The following NEK1 variants were observed in gnomAD, a reference collection of about 807,000 sequenced individuals.
NEK1 encodes serine/threonine-protein kinase Nek1.
A neutral mutation model predicts 182.1 loss-of-function variants in NEK1; 137 were observed. That is an observed-to-expected ratio of 0.75 (90% CI 0.65 to 0.87). NEK1 has a LOEUF of 0.87. NEK1 is among the 40% of genes least tolerant of loss of function. The pLI, the probability that NEK1 is intolerant of heterozygous loss-of-function variation, is 0.00. For missense variants in NEK1, 1,391 were observed against 1,494.4 expected, an observed-to-expected ratio of 0.93 and a Z score of 1.14; for synonymous variants, 513 against 492.2, an observed-to-expected ratio of 1.04 and a Z score of -0.56.
At chr4:169,461,639 T>C (rs1473839975) in intron 27 of NEK1, among the ~76,000 whole-genome samples, 1 of 152,170 alleles carries the variant, frequency 6.6e-6, no homozygotes, top group Non-Finnish European at 1.5e-5. Context: ...ATACAGAGCA[T>C]ATTCTTCCCA....
rs1737836410 is a variant in NEK1 at position 169,433,620 on chromosome 4, G to C, written c.2810C>G (p.Thr937Arg). The C allele has an allele frequency of 6.2e-7, 1 of 1,613,162 alleles. No individual in the cohort carries two copies. The highest frequency in any genetic ancestry group is 1.1e-5 in the South Asian group (1 of 91,054). The change falls in exon 29 of 36, where the codon ACA (threonine) becomes AGA (arginine). Residue 937 changes from threonine to arginine, a missense_variant. Thr to Arg is a moderately conservative substitution (Grantham distance 71). Around this residue, in one of 5 missense-constraint regions of NEK1, gnomAD observed 1,216 missense variants for 1,277.6 expected, o/e 0.95. Coordinates refer to ENST00000507142, the MANE Select transcript of NEK1 (RefSeq NM_001199397.3). ...GCATGGCAAGCTCTCATCTTTGTTTGTTCCACTTGGCTCTTGTAGAATTTC... is the reference window on the plus strand; with the variant it reads ...GCATGGCAAGCTCTCATCTTTGTTTCTTCCACTTGGCTCTTGTAGAATTTC... ...ETEILQEPSGTNKDESLPCTI... is the reference protein window; with the variant it reads ...ETEILQEPSGRNKDESLPCTI...
At chr4:169,422,546 A>G (rs1417586268) in intron 31 of NEK1, among the ~76,000 whole-genome samples, 1 of 152,220 alleles carries the variant, frequency 6.6e-6, no homozygotes, top group African/African-American at 2.4e-5. Context: ...AGTTTTAAAC[A>G]TGCTTATAAA....
chr4:169,512,742 A>G (rs1004512146), intron 19 of NEK1, among the ~76,000 whole-genome samples: 2 of 152,078 alleles, frequency 1.3e-5, no homozygotes, highest in African/African-American at 2.4e-5. Context: ...TTTCATATGA[A>G]AGCCCATGAT....
At chr4:169,426,091 T>G (rs1736337374) in intron 30 of NEK1, 55 bp downstream of exon 30, 2 of 1,297,352 alleles carry the variant, frequency 1.5e-6, no homozygotes, top group Non-Finnish European at 2.2e-6. Flanking sequence ...CAGGTTGATG[T>G]TAATAATCAT....
intron 24 of NEK1, among the ~76,000 whole-genome samples, chr4:169,478,560 C>G (rs935444331): frequency 6.6e-6 from 1 of 151,970 alleles, no homozygotes; most frequent in African/African-American, 2.4e-5. Flanking sequence ...TGAGAATGAT[C>G]AAGAAACTTA....
intron 29 of NEK1, among the ~76,000 whole-genome samples, chr4:169,427,053 G>C (rs1736521744): frequency 6.6e-6 from 1 of 152,048 alleles, no homozygotes; most frequent in Admixed American, 6.5e-5. Flanking sequence ...ATTTATCTCT[G>C]GGAGTTAGCT....
intron 33 of NEK1, 99 bp downstream of exon 33, chr4:169,401,553 A>G: frequency 2.1e-6 from 2 of 939,548 alleles, no homozygotes; most frequent in South Asian, 2.2e-5. Flanking sequence ...AGTTGTATTT[A>G]AAGTTGGAAA....
At chr4:169,451,073 CAAG>C (rs779028991) in intron 27 of NEK1, among the ~76,000 whole-genome samples, 9 of 152,158 alleles carry the variant, frequency 5.9e-5, no homozygotes, top group Non-Finnish European at 1.0e-4. Flanking sequence ...ATCAATGCAA[CAAG>C]AAGAGCTAAC....
chr4:169,490,176 C>A (rs556308418), intron 23 of NEK1, among the ~76,000 whole-genome samples: 122 of 152,308 alleles, frequency 8.0e-4, no homozygotes, highest in Middle Eastern at 3.4e-3. Flanking sequence ...GCAGCCATTA[C>A]TCAAATTGAT....
At position 169,470,505 on chromosome 4, in the gene NEK1, C is replaced by T. The variant is rs559432221; in HGVS notation, c.2434+6619G>A. 2.6e-5 allele frequency among the ~76,000 whole-genome samples: 4 copies of T among 152,164 alleles called. No homozygotes were observed. The East Asian group carries it at 5.8e-4, about 22-fold the overall frequency. ...AGAGATCTGCTGTTAGTTCAATGGG[C>T]GTCCCTTTGGGGGTAATCCAACCTT... On this transcript the variant is annotated intron_variant, in intron 26 of 35. Transcript: ENST00000507142.
chr4:169,395,840 T>C (rs1287955150), intron 35 of NEK1, among the ~76,000 whole-genome samples: 1 of 152,218 alleles, frequency 6.6e-6, no homozygotes, highest in Non-Finnish European at 1.5e-5. Context: ...CTCATGGTTT[T>C]TGCTTTTATT....
chr4:169,511,833 T>C (rs556529055), intron 19 of NEK1, among the ~76,000 whole-genome samples: 55 of 152,254 alleles, frequency 3.6e-4, no homozygotes, highest in African/African-American at 1.3e-3. Context: ...GATAATTATG[T>C]CATAATTTCT....
At chr4:169,474,681 C>T (rs944833448) in intron 26 of NEK1, among the ~76,000 whole-genome samples, 6 of 152,178 alleles carry the variant, frequency 3.9e-5, no homozygotes, top group African/African-American at 1.2e-4. Context: ...ACTACAGTCT[C>T]CTAATTTTAT....
chr4:169,545,859 G>T (rs576611507), intron 18 of NEK1, among the ~76,000 whole-genome samples: 2 of 152,088 alleles, frequency 1.3e-5, no homozygotes, highest in Non-Finnish European at 2.9e-5. Context: ...CTTTTGAGAA[G>T]TGTCTGTTCA....
intron 12 of NEK1, among the ~76,000 whole-genome samples, chr4:169,563,621 T>C (rs1305643591): frequency 1.3e-5 from 2 of 152,208 alleles, no homozygotes; most frequent in Non-Finnish European, 2.9e-5. Context: ...ACCTCTGGCA[T>C]AATTTAACGA....
intron 23 of NEK1, among the ~76,000 whole-genome samples, chr4:169,494,162 A>C (rs1376504834): frequency 6.6e-6 from 1 of 151,492 alleles, no homozygotes; most frequent in African/African-American, 2.4e-5. Flanking sequence ...GGTTTGTTAC[A>C]TATGTATACA....
chr4:169,403,673 G>C (rs4423835), intron 32 of NEK1, among the ~76,000 whole-genome samples: 26,718 of 152,050 alleles, frequency 0.18, 2,920 homozygotes, highest in South Asian at 0.31. Flanking sequence ...AAATCATCTA[G>C]TGGCTGGCCT....
At chr4:169,459,070 C>G (rs1743459432) in intron 27 of NEK1, among the ~76,000 whole-genome samples, 1 of 151,492 alleles carries the variant, frequency 6.6e-6, no homozygotes, top group South Asian at 2.1e-4. Flanking sequence ...ATCCAAAACA[C>G]TTCTGATCCC....
rs776791841 is a variant in NEK1, at chr4:169,556,145, A to G, written c.1267-50T>C. The G allele has an allele frequency of 6.6e-6, 10 of 1,525,496 alleles. No homozygotes were observed. In the East Asian group the frequency reaches 1.8e-4, roughly 28 times the overall value. 94.5% of individuals were successfully genotyped at this position (1,525,496 alleles called of 1,614,324 possible). ...ACATGTTTATCTTATAAGGCCTAAC[A>G]GGCCTGTACTAGTCTCAAAAGAAAA... is the stretch of plus-strand genomic sequence containing the variant. On this transcript the variant is annotated intron_variant, in intron 16 of 35. Coordinates refer to ENST00000507142, the MANE Select transcript of NEK1 (RefSeq NM_001199397.3).
Sources: allele counts gnomAD v4.1 joint callset (sites outside exome capture counted in the v4.1 genomes callset), GRCh38; gene constraint gnomAD v4.1.1; regional missense constraint gnomAD v4.1.1; transcripts MANE v1.5; gene names NCBI Gene and HGNC (gene_info 2026-07-23, HGNC 2026-07-21).